Variants in RGS20 observed in about 807,000 individuals in gnomAD.
RGS20 encodes gz-selective GTPase-activating protein.
A neutral mutation model predicts 33.6 loss-of-function variants in RGS20; 30 were observed. The ratio of observed to expected loss-of-function variants is 0.89; its 90% CI spans 0.67 to 1.21. RGS20 has a LOEUF of 1.21. RGS20 is among the 50% of genes most tolerant of loss of function. RGS20 has a pLI of 0.00. For synonymous variants in RGS20, 208 were observed against 197.9 expected (o/e 1.05, Z -0.43); for missense variants, 472 against 502.4 (o/e 0.94, Z 0.58).
intron 1 of RGS20, among the ~76,000 whole-genome samples, chr8:53,873,625 CAA>C (rs545409315): frequency 1.5e-4 from 23 of 152,250 alleles, no homozygotes; most frequent in Non-Finnish European, 3.1e-4. Context: ...ATCTATCCAA[CAA>C]ATATTAATTG....
At chr8:53,896,035 C>G in intron 2 of RGS20, among the ~76,000 whole-genome samples, 1 of 151,996 alleles carries the variant, frequency 6.6e-6, no homozygotes, top group East Asian at 1.9e-4. Context: ...AATCCCAGCA[C>G]TTTGGGAGGC....
chr8:53,889,723 CTGTGTGTGTGTG>C (rs66766851), intron 2 of RGS20, among the ~76,000 whole-genome samples: 3 of 146,008 alleles, frequency 2.1e-5, no homozygotes, highest in African/African-American at 5.0e-5. Context: ...TGTCAAAATT[CTGTGTGTGTGTG>C]TGTGTGTGTG....
intron 2 of RGS20, among the ~76,000 whole-genome samples, chr8:53,933,408 A>C (rs996376586): frequency 2.0e-5 from 3 of 152,188 alleles, no homozygotes; most frequent in African/African-American, 4.8e-5. Context: ...TTTAGAGAAG[A>C]ATATAAATGA....
chr8:53,889,742 T>TGTGTGTGTGTGTGC (rs1317445979), intron 2 of RGS20, among the ~76,000 whole-genome samples: 3 of 151,832 alleles, frequency 2.0e-5, no homozygotes, highest in Non-Finnish European at 4.4e-5. Context: ...TGTGTGTGTG[T>TGTGTGTGTGTGTGC]GTGTGTGTGT....
At chr8:53,888,783 A>G (rs1385887045) in intron 2 of RGS20, among the ~76,000 whole-genome samples, 2 of 152,122 alleles carry the variant, frequency 1.3e-5, no homozygotes, top group South Asian at 2.1e-4. Context: ...CCATATACCA[A>G]TTGTGCCTGC....
At chr8:53,918,872 C>G (rs1305690151) in intron 2 of RGS20, among the ~76,000 whole-genome samples, 1 of 152,108 alleles carries the variant, frequency 6.6e-6, no homozygotes, top group Non-Finnish European at 1.5e-5. Flanking sequence ...AATAAACAAA[C>G]AGCATTTGTT....
intron 2 of RGS20, among the ~76,000 whole-genome samples, chr8:53,934,102 A>G (rs1230731930): frequency 6.6e-6 from 1 of 152,218 alleles, no homozygotes; most frequent in Non-Finnish European, 1.5e-5. Flanking sequence ...AGAGCTCCTG[A>G]AGGACGTACT....
At chr8:53,902,978 G>A (rs986183627) in intron 2 of RGS20, among the ~76,000 whole-genome samples, 5 of 152,148 alleles carry the variant, frequency 3.3e-5, no homozygotes, top group South Asian at 2.1e-4. Context: ...TGCCCACCTC[G>A]ACCTCCCAAA....
intron 2 of RGS20, among the ~76,000 whole-genome samples, chr8:53,938,468 C>T (rs1324157387): frequency 6.6e-6 from 1 of 152,120 alleles, no homozygotes; most frequent in South Asian, 2.1e-4. Flanking sequence ...ACCACTATGG[C>T]ACGTGTATAC....
At chr8:53,944,482 G>A (rs1488187516) in intron 3 of RGS20, among the ~76,000 whole-genome samples, 3 of 151,126 alleles carry the variant, frequency 2.0e-5, no homozygotes, top group African/African-American at 7.3e-5. Context: ...AGGTTGTAGG[G>A]AGCTGAGATC....
chr8:53,896,170 T>A (rs992790374), intron 2 of RGS20, among the ~76,000 whole-genome samples: 1 of 152,088 alleles, frequency 6.6e-6, no homozygotes. Flanking sequence ...TCCCTGCTAC[T>A]CAGGAGGCTG....
intron 2 of RGS20, 102 bp from the exon 2 acceptor site, chr8:53,939,474 G>T (rs1814224100): frequency 2.4e-6 from 3 of 1,239,334 alleles, no homozygotes; most frequent in Non-Finnish European, 2.1e-6. Flanking sequence ...GAATGTAGTC[G>T]CACTGTATCT....
In RGS20 at chr8:53,958,368, G is replaced by C. The variant is rs745742335; in HGVS notation, c.1077G>C (p.Leu359=). 1.3e-4 allele frequency: 217 copies of C among 1,613,702 alleles called. No individual in the cohort carries two copies. The highest frequency in any genetic ancestry group is 2.3e-4 in the Admixed American group (14 of 59,994). ...ATGCTCAACTTCAGATTTACACCCT[G>C]ATGCACAGAGACTCATATCCTCGAT... The change falls in exon 6 of 6, where the codon CTG becomes CTC. Residue 359 remains leucine, a synonymous_variant. Coordinates refer to ENST00000297313, the MANE Select transcript of RGS20 (RefSeq NM_170587.4).
chr8:53,931,177 G>C (rs781283416), intron 2 of RGS20, among the ~76,000 whole-genome samples: 89 of 152,294 alleles, frequency 5.8e-4, no homozygotes, highest in Non-Finnish European at 1.2e-3. Context: ...GGTATGTTGG[G>C]AGCATTGTTT....
chr8:53,909,772 T>C (rs1813304391), intron 2 of RGS20, among the ~76,000 whole-genome samples: 1 of 152,218 alleles, frequency 6.6e-6, no homozygotes, highest in Non-Finnish European at 1.5e-5. Flanking sequence ...TGAATAATGA[T>C]GAACCATTTC....
At chr8:53,880,750 C>T (rs1585880454) in intron 2 of RGS20, 122 bp from the exon 1 acceptor site, 3 of 788,036 alleles carry the variant, frequency 3.8e-6, no homozygotes, top group African/African-American at 1.8e-5. Flanking sequence ...GGAGGTCGCG[C>T]CCCGCGTGGG....
intron 1 of RGS20, among the ~76,000 whole-genome samples, chr8:53,860,437 C>T (rs1262644666): frequency 6.6e-6 from 1 of 152,172 alleles, no homozygotes; most frequent in East Asian, 1.9e-4. Context: ...CTAAAATATG[C>T]AAGACATTGT....
At chr8:53,927,979 C>T (rs971350665) in intron 2 of RGS20, among the ~76,000 whole-genome samples, 1 of 152,096 alleles carries the variant, frequency 6.6e-6, no homozygotes, top group Non-Finnish European at 1.5e-5. Flanking sequence ...GAAGAGTTTG[C>T]TTAGTAAGGT....
chr8:53,931,470 G>A (rs1813956864), intron 2 of RGS20, among the ~76,000 whole-genome samples: 1 of 152,092 alleles, frequency 6.6e-6, no homozygotes, highest in Admixed American at 6.6e-5. Context: ...CAGGAAAATT[G>A]TTTGAAACTG....
Sources: gnomAD v4.1 joint callset for allele counts (sites outside exome capture counted in the v4.1 genomes callset) on GRCh38, gnomAD v4.1.1 for gene constraint, MANE v1.5 for transcripts, NCBI Gene and HGNC (gene_info 2026-07-23, HGNC 2026-07-21) for gene names.